The following ARMC9 variants were observed in gnomAD, a reference collection of about 807,000 sequenced individuals.
The protein encoded by ARMC9 is armadillo repeat containing 9.
In ARMC9, 94 loss-of-function variants were observed where a neutral mutation model predicts 107.0. The observed-to-expected ratio is 0.88, with a 90% confidence interval of 0.74 to 1.04. ARMC9 has a LOEUF of 1.04. Among genes scored for constraint, ARMC9 ranks in the 50% least tolerant of loss-of-function variants. ARMC9 has a pLI of 0.00. For missense variants in ARMC9, 942 were observed against 1,030.1 expected (o/e 0.91, Z 1.17); for synonymous variants, 380 against 396.9 (o/e 0.96, Z 0.51).
chr2:231,258,963 TTCTC>T, intron 10 of ARMC9, 24 bp from the exon 11 acceptor site: 1 of 1,583,162 alleles, frequency 6.3e-7, no homozygotes. Flanking sequence ...GCCCTTTTCT[TTCTC>T]TTTGAACTTG....
chr2:231,218,343 CAAAG>C (rs1298380934), intron 5 of ARMC9, among the ~76,000 whole-genome samples: 2 of 151,206 alleles, frequency 1.3e-5, no homozygotes, highest in Admixed American at 1.3e-4. Flanking sequence ...GAGGATAAAA[CAAAG>C]AAAATAATAA....
intron 21 of ARMC9, among the ~76,000 whole-genome samples, chr2:231,346,794 T>G (rs1356607876): frequency 1.3e-5 from 2 of 152,230 alleles, no homozygotes; most frequent in African/African-American, 4.8e-5. Context: ...TTGGGTCATT[T>G]GGTTTTCATC....
chr2:231,265,583 G>A (rs1018639551), intron 12 of ARMC9, among the ~76,000 whole-genome samples: 7 of 152,080 alleles, frequency 4.6e-5, no homozygotes, highest in African/African-American at 1.7e-4. Context: ...ACCTTGCACA[G>A]GTGACAGTGT....
rs533587734 is a variant in ARMC9 at position 231,357,365 on chromosome 2, G to T, written c.2131+1431G>T. 2.6e-5 allele frequency among the ~76,000 whole-genome samples: 4 copies of T among 152,158 alleles called. No homozygotes were observed. In the South Asian group the frequency reaches 8.3e-4, roughly 32 times the overall value. ...CCGCTGTCAGTGCCCCCATTAACCT[G>T]CCCCAAATGCTGAGACCGTGTTCTG... On this transcript the variant is annotated intron_variant, in intron 22 of 24. Transcript: ENST00000611582.
chr2:231,270,900 G>T, intron 12 of ARMC9, 82 bp from the exon 13 acceptor site: 1 of 1,163,008 alleles, frequency 8.6e-7, no homozygotes, highest in African/African-American at 1.5e-5. Flanking sequence ...CAGAGGAAGA[G>T]AACTACCAGA....
At chr2:231,236,773 G>A (rs773061679) in intron 8 of ARMC9, among the ~76,000 whole-genome samples, 6 of 151,978 alleles carry the variant, frequency 3.9e-5, no homozygotes, top group African/African-American at 7.3e-5. Context: ...GCGAAACCCC[G>A]TCTCTACTAA....
At chr2:231,231,932 G>A (rs1018341235) in intron 7 of ARMC9, among the ~76,000 whole-genome samples, 15 of 151,718 alleles carry the variant, frequency 9.9e-5, no homozygotes, top group Admixed American at 7.9e-4. Context: ...CAGGTGATCT[G>A]CCTGCCTTGG....
At chr2:231,355,997 ACAG>A in intron 22 of ARMC9, 63 bp downstream of exon 22, 1 of 1,483,670 alleles carries the variant, frequency 6.7e-7, no homozygotes, top group Non-Finnish European at 9.0e-7. Flanking sequence ...CCTACGCAAA[ACAG>A]CAGCAGGAGT....
intron 19 of ARMC9, among the ~76,000 whole-genome samples, chr2:231,303,768 T>C (rs138034847): frequency 2.0e-3 from 297 of 152,180 alleles, no homozygotes; most frequent in East Asian, 0.01. Flanking sequence ...TGAAACCCCA[T>C]TTCTACTAAA....
chr2:231,371,402 G>A (rs963001610), intron 24 of ARMC9, 111 bp from the exon 25 acceptor site: 3 of 1,257,086 alleles, frequency 2.4e-6, no homozygotes, highest in Non-Finnish European at 3.1e-6. Flanking sequence ...ACCTGGGAGA[G>A]GGAAGGTTCC....
chr2:231,206,093 G>A (rs775598451), intron 1 of ARMC9, 105 bp from the exon 2 acceptor site: 24 of 715,146 alleles, frequency 3.4e-5, no homozygotes, highest in East Asian at 2.1e-4. Context: ...GGGGATTGGC[G>A]CATGGATGTC....
intron 9 of ARMC9, chr2:231,256,222 C>T: frequency 1.3e-6 from 2 of 1,532,426 alleles, no homozygotes; most frequent in South Asian, 1.2e-5. Flanking sequence ...GCCGATCCAT[C>T]ATCCGCAATG....
At chr2:231,341,899 A>G (rs2044539457) in intron 20 of ARMC9, among the ~76,000 whole-genome samples, 1 of 152,192 alleles carries the variant, frequency 6.6e-6, no homozygotes, top group Admixed American at 6.5e-5. Flanking sequence ...TTTCAAATAA[A>G]TAATCTCCGT....
At chr2:231,261,827 C>CTTTT (rs776868487) in intron 11 of ARMC9, among the ~76,000 whole-genome samples, 2 of 145,026 alleles carry the variant, frequency 1.4e-5, no homozygotes, top group African/African-American at 2.5e-5. Flanking sequence ...ATCACAGGTT[C>CTTTT]TTTTTTTTTT....
rs997533072 is a variant in ARMC9, at chr2:231,278,075, G to T, written c.1475-307G>T. The stretch of plus-strand genomic sequence containing the variant: ...TGACTCGCTCTGTGCTCTGACCGGA[G>T]TAATAGCCACCACTTGGGATGGTTT... On this transcript the variant is annotated intron_variant, in intron 15 of 24. Transcript: ENST00000611582. 5.3e-5 allele frequency among the ~76,000 whole-genome samples: 8 copies of T among 152,146 alleles called. 1 individual carries two copies. The highest frequency in any genetic ancestry group is 7.3e-5 in the Non-Finnish European group (5 of 68,044).
intron 17 of ARMC9, among the ~76,000 whole-genome samples, chr2:231,288,245 T>A (rs1286332799): frequency 6.6e-6 from 1 of 152,154 alleles, no homozygotes; most frequent in Non-Finnish European, 1.5e-5. Context: ...TAAAGTTAAA[T>A]AAGAAGCAAC....
intron 17 of ARMC9, among the ~76,000 whole-genome samples, chr2:231,284,316 A>G (rs908773650): frequency 6.6e-6 from 1 of 152,214 alleles, no homozygotes; most frequent in Non-Finnish European, 1.5e-5. Flanking sequence ...TATTTATACA[A>G]TAATGACATC....
At chr2:231,355,652 C>G in intron 21 of ARMC9, 146 bp from the exon 22 acceptor site, 1 of 1,047,324 alleles carries the variant, frequency 9.5e-7, no homozygotes, top group Non-Finnish European at 1.3e-6. Context: ...TGCCAAGACC[C>G]TTTAGAAGGT....
At chr2:231,298,185 A>G (rs989039076) in intron 19 of ARMC9, among the ~76,000 whole-genome samples, 2 of 152,202 alleles carry the variant, frequency 1.3e-5, no homozygotes, top group African/African-American at 4.8e-5. Flanking sequence ...TTAGTTGGAA[A>G]ATTATAAGGA....
Sources: gnomAD v4.1 joint callset for allele counts (sites outside exome capture counted in the v4.1 genomes callset) on GRCh38, gnomAD v4.1.1 for gene constraint, MANE v1.5 for transcripts, NCBI Gene and HGNC (gene_info 2026-07-23, HGNC 2026-07-21) for gene names.